The following PDE1C variants were observed in gnomAD, a reference collection of about 807,000 sequenced individuals.
The protein encoded by PDE1C is phosphodiesterase 1C, also known as dual specificity calcium/calmodulin-dependent 3',5'-cyclic nucleotide phosphodiesterase 1C.
Under a neutral mutation model 93.1 loss-of-function variants are expected in PDE1C, and 62 were observed. The observed-to-expected ratio is 0.67, with a 90% CI of 0.54 to 0.82. PDE1C has a LOEUF of 0.82. PDE1C is among the 40% of genes least tolerant of loss of function. The pLI is 0.00. For synonymous variants in PDE1C, 325 were observed against 310.1 expected (o/e 1.05, Z -0.50); for missense variants, 742 against 884.6 (o/e 0.84, Z 2.04).
the PDE1C span, among the ~76,000 whole-genome samples, chr7:31,630,854 AG>A: frequency 1.3e-5 from 2 of 152,142 alleles, no homozygotes; most frequent in Non-Finnish European, 2.9e-5. Context: ...AAAAGAAAAC[AG>A]GAATTACAAC....
chr7:31,878,125 TAAG>T (rs1269841622), intron 4 of PDE1C, 89 bp from the exon 5 acceptor site: 10 of 901,724 alleles, frequency 1.1e-5, no homozygotes, highest in African/African-American at 3.4e-5. Context: ...TGACAAATAA[TAAG>T]AAGTCAAGTG....
At chr7:31,973,049 G>T (rs1222104530) in intron 2 of PDE1C, among the ~76,000 whole-genome samples, 1 of 152,090 alleles carries the variant, frequency 6.6e-6, no homozygotes, top group Non-Finnish European at 1.5e-5. Context: ...CCTCTACCCA[G>T]TGGTACTAGA....
At position 32,359,848 on chromosome 7, in the gene PDE1C, C is replaced by T. The variant is rs113562329; in HGVS notation, c.310+67974G>A. Among the ~76,000 whole-genome samples, 1,237 of 152,234 alleles carry T rather than the reference C, an allele frequency of 8.1e-3. 17 individuals are homozygous for T. Among genetic ancestry groups the T allele is most frequent in the African/African-American group, 0.028 (1,150 of 41,538 alleles). Reference sequence around the variant, plus strand: ...CACCTGAAATGCCTTCCTTCCTCCCCAGCACCCATCCAAATCTCATCCATT... The same window carrying T: ...CACCTGAAATGCCTTCCTTCCTCCCTAGCACCCATCCAAATCTCATCCATT... On this transcript the variant is annotated intron_variant, in intron 1 of 1. Coordinates refer to the PDE1C transcript ENST00000672256.
the PDE1C span, among the ~76,000 whole-genome samples, chr7:31,685,232 G>A: frequency 6.6e-6 from 1 of 152,182 alleles, no homozygotes; most frequent in Non-Finnish European, 1.5e-5. Context: ...TGGTTGCCGA[G>A]TTTAAAAAGT....
upstream of PDE1C, chr7:32,071,550 A>C (rs30601): frequency 0.1 from 37,497 of 373,596 alleles, 2,663 homozygotes; most frequent in East Asian, 0.42. Context: ...AAAATATACC[A>C]ATAGTGAGGA....
intron 9 of PDE1C, among the ~76,000 whole-genome samples, chr7:31,839,269 CATT>C (rs1009737315): frequency 8.0e-5 from 12 of 149,714 alleles, no homozygotes; most frequent in Non-Finnish European, 1.6e-4. Context: ...TATATACACA[CATT>C]ATTTTAAAAT....
At chr7:31,743,363 C>T in the PDE1C span, among the ~76,000 whole-genome samples, 1 of 152,150 alleles carries the variant, frequency 6.6e-6, no homozygotes, top group Admixed American at 6.5e-5. Flanking sequence ...TGCTCCCGCT[C>T]TTCCCCCTCC....
chr7:31,642,723 A>G, the PDE1C span: 1 of 1,613,822 alleles, frequency 6.2e-7, no homozygotes, highest in Non-Finnish European at 8.5e-7. Flanking sequence ...CTGAGAATGG[A>G]GGTAGAAAGC....
chr7:31,835,917 C>T (rs1267178396), intron 11 of PDE1C, among the ~76,000 whole-genome samples: 1 of 152,038 alleles, frequency 6.6e-6, no homozygotes, highest in Non-Finnish European at 1.5e-5. Context: ...TAAGAATTAT[C>T]ACAATCTAAA....
Position 31,819,057 on chromosome 7 carries a change from A to C in PDE1C, c.1583-2903T>G, listed in dbSNP as rs12533854. Among the ~76,000 whole-genome samples, 452 of 152,268 alleles carry C rather than the reference A, an allele frequency of 3.0e-3. 7 individuals carry two copies. In the East Asian group the frequency reaches 0.032, roughly 11 times the overall value. ...TAGCTATCGGGCAATTCAAGTTTAC[A>C]TGAATGAATGGTAGCCCTTCTGACA... On this transcript the variant is annotated intron_variant, in intron 14 of 17. Transcript: ENST00000396191.
chr7:32,316,994 C>T (rs1452879716), intron 1 of PDE1C, among the ~76,000 whole-genome samples: 2 of 152,114 alleles, frequency 1.3e-5, no homozygotes, highest in Non-Finnish European at 2.9e-5. Flanking sequence ...TTTTGAAGCC[C>T]TCCTCCAAAG....
chr7:31,832,787 C>T lies in PDE1C; in HGVS notation c.1203+4393G>A, dbSNP rs556057664. Among the ~76,000 whole-genome samples, 12 of 152,152 alleles carry T rather than the reference C, an allele frequency of 7.9e-5. No homozygotes were observed. The South Asian group carries it at 1.0e-3, about 13-fold the overall frequency. ...ATATTGCCTCTAGCACATTTTTATT[C>T]GAGTATATGTATGTGCAAACAAGTT... On this transcript the variant is annotated intron_variant, in intron 11 of 17. Transcript: ENST00000396191.
At chr7:32,096,234 C>T (rs1289703800) in intron 3 of PDE1C, among the ~76,000 whole-genome samples, 1 of 152,174 alleles carries the variant, frequency 6.6e-6, no homozygotes, top group East Asian at 1.9e-4. Flanking sequence ...GGGAACTGCA[C>T]TCTACCTTCA....
chr7:31,868,243 T>C (rs921404440), intron 6 of PDE1C, among the ~76,000 whole-genome samples: 7 of 152,162 alleles, frequency 4.6e-5, no homozygotes, highest in Non-Finnish European at 8.8e-5. Flanking sequence ...TTCAAATTAT[T>C]GATTCTAAAG....
intron 2 of PDE1C, among the ~76,000 whole-genome samples, chr7:31,949,996 C>A (rs1807143787): frequency 6.6e-6 from 1 of 152,132 alleles, no homozygotes; most frequent in Non-Finnish European, 1.5e-5. Flanking sequence ...TAGATACTTG[C>A]AAGTATAATT....
the PDE1C span, among the ~76,000 whole-genome samples, chr7:31,672,508 A>G: frequency 9.6e-6 from 1 of 104,328 alleles, no homozygotes; most frequent in South Asian, 3.9e-4. Flanking sequence ...TTTTGCATTT[A>G]TCTGAATGGT....
chr7:32,207,719 A>G (rs530067553), intron 2 of PDE1C, among the ~76,000 whole-genome samples: 11 of 152,180 alleles, frequency 7.2e-5, no homozygotes, highest in Non-Finnish European at 1.3e-4. Context: ...GTCTCAAGAT[A>G]ATAAGCTTTG....
At chr7:32,037,725 A>C (rs1791295641) in intron 2 of PDE1C, among the ~76,000 whole-genome samples, 1 of 152,196 alleles carries the variant, frequency 6.6e-6, no homozygotes, top group Non-Finnish European at 1.5e-5. Context: ...TGGGTCCTAT[A>C]TCTCTCCAAT....
At chr7:32,310,150 A>G (rs1352250976) in intron 1 of PDE1C, among the ~76,000 whole-genome samples, 2 of 152,028 alleles carry the variant, frequency 1.3e-5, no homozygotes, top group African/African-American at 2.4e-5. Context: ...AAAAGAGACA[A>G]AGAAGGCCAT....
Sources: gnomAD v4.1 joint callset for allele counts (sites outside exome capture counted in the v4.1 genomes callset) on GRCh38, gnomAD v4.1.1 for gene constraint, MANE v1.5 for transcripts, NCBI Gene and HGNC (gene_info 2026-07-23, HGNC 2026-07-21) for gene names.